IGF1: variants seen among roughly 807,000 people sequenced by gnomAD.
IGF1 encodes the protein insulin-like growth factor 1.
In IGF1, 4 loss-of-function variants were observed where a neutral mutation model predicts 13.8. The observed-to-expected ratio is 0.29, with a 90% confidence interval of 0.14 to 0.66. IGF1 has a LOEUF of 0.66. Among genes scored for constraint, IGF1 ranks in the 30% least tolerant of loss-of-function variants. The pLI is 0.78. For missense variants in IGF1, 124 were observed against 188.5 expected (o/e 0.66, Z 2.00); for synonymous variants, 76 against 72.6 (o/e 1.05, Z -0.23).
chr12:102,409,953 G>A (rs1176213658), intron 3 of IGF1, among the ~76,000 whole-genome samples: 1 of 152,116 alleles, frequency 6.6e-6, no homozygotes, highest in Non-Finnish European at 1.5e-5. Flanking sequence ...CTGAATGTGG[G>A]GAAACAGTAG....
intron 2 of IGF1, among the ~76,000 whole-genome samples, chr12:102,421,937 T>C (rs1353884255): frequency 6.6e-6 from 1 of 152,198 alleles, no homozygotes; most frequent in Non-Finnish European, 1.5e-5. Flanking sequence ...TGATTGTATA[T>C]TCACTTCTTG....
chr12:102,473,115 A>G (rs1431471131), intron 2 of IGF1, among the ~76,000 whole-genome samples: 1 of 152,204 alleles, frequency 6.6e-6, no homozygotes, highest in Non-Finnish European at 1.5e-5. Context: ...TATGAGCTAG[A>G]CACTTGGATT....
At chr12:102,463,546 A>G (rs1880085329) in intron 2 of IGF1, 1 of 152,228 alleles carries the variant, frequency 6.6e-6, no homozygotes, top group South Asian at 2.1e-4. Context: ...ATTAAGGTAC[A>G]CAGTCCTACA....
chr12:102,415,543 T>TTTCCTTCCTTCCTTCCTTCCTTCCGTCC (rs1875020902), intron 3 of IGF1, among the ~76,000 whole-genome samples: 5 of 81,810 alleles, frequency 6.1e-5, no homozygotes, highest in African/African-American at 2.1e-4. Flanking sequence ...CTTCCTTCCC[T>TTTCCTTCCTTCCTTCCTTCCTTCCGTCC]TTCCTTCCTT....
chr12:102,480,062 C>G (rs550980294), intron 1 of IGF1, among the ~76,000 whole-genome samples: 2 of 152,120 alleles, frequency 1.3e-5, no homozygotes, highest in Non-Finnish European at 2.9e-5. Flanking sequence ...AATGACACCA[C>G]GGAAGCCCTG....
At chr12:102,452,071 G>C (rs905888699) in intron 2 of IGF1, among the ~76,000 whole-genome samples, 12 of 151,758 alleles carry the variant, frequency 7.9e-5, no homozygotes, top group Non-Finnish European at 1.2e-4. Flanking sequence ...GACCATCCTG[G>C]CTAACACGGT....
intron 2 of IGF1, among the ~76,000 whole-genome samples, chr12:102,454,968 T>C (rs1879270900): frequency 6.6e-6 from 1 of 152,206 alleles, no homozygotes; most frequent in African/African-American, 2.4e-5. Flanking sequence ...AGAGCTGCTT[T>C]TCCACATCAG....
At chr12:102,441,966 T>TC in intron 2 of IGF1, among the ~76,000 whole-genome samples, 1 of 148,412 alleles carries the variant, frequency 6.7e-6, no homozygotes, top group Non-Finnish European at 1.5e-5. Context: ...TTTTTTTTTT[T>TC]TGAGACAGGG....
chr12:102,455,862 A>T (rs1879341633), intron 2 of IGF1, among the ~76,000 whole-genome samples: 1 of 152,202 alleles, frequency 6.6e-6, no homozygotes, highest in Non-Finnish European at 1.5e-5. Context: ...AGTCATGAAC[A>T]CAATCAAGGA....
chr12:102,447,990 A>G (rs1565989894), intron 2 of IGF1, among the ~76,000 whole-genome samples: 1 of 152,182 alleles, frequency 6.6e-6, no homozygotes, highest in Non-Finnish European at 1.5e-5. Flanking sequence ...CAGGCAACCT[A>G]CAGAATGGGA....
At chr12:102,405,892 C>T (rs1468827713) in intron 3 of IGF1, among the ~76,000 whole-genome samples, 2 of 152,216 alleles carry the variant, frequency 1.3e-5, no homozygotes, top group Non-Finnish European at 2.9e-5. Context: ...ATTGACCAAC[C>T]ACATACATCC....
intron 2 of IGF1, among the ~76,000 whole-genome samples, chr12:102,460,740 G>T (rs112537585): frequency 7.4e-4 from 113 of 152,230 alleles, no homozygotes; most frequent in African/African-American, 2.6e-3. Flanking sequence ...TAATTCAATG[G>T]GTAGAGTGCC....
chr12:102,444,697 A>G (rs1878162597), intron 2 of IGF1, among the ~76,000 whole-genome samples: 1 of 152,104 alleles, frequency 6.6e-6, no homozygotes, highest in Non-Finnish European at 1.5e-5. Flanking sequence ...CAAGCAAAAC[A>G]ATTGGTTACC....
chr12:102,477,075 A>AT (rs757153450), intron 1 of IGF1, among the ~76,000 whole-genome samples: 4 of 151,884 alleles, frequency 2.6e-5, no homozygotes, highest in South Asian at 2.1e-4. Flanking sequence ...TAAGAAGAGC[A>AT]TTTTTTTTGA....
At chr12:102,404,750 G>GT (rs1389959562) in intron 3 of IGF1, among the ~76,000 whole-genome samples, 87 of 114,796 alleles carry the variant, frequency 7.6e-4, no homozygotes, top group Non-Finnish European at 1.1e-3. Context: ...CTTGTGTTTT[G>GT]TTTTTTTTTG....
chr12:102,430,424 C>A (rs1365548864), intron 2 of IGF1, among the ~76,000 whole-genome samples: 1 of 152,096 alleles, frequency 6.6e-6, no homozygotes, highest in Non-Finnish European at 1.5e-5. Flanking sequence ...CATTTAGTAA[C>A]CTTTAGGCTG....
At chr12:102,475,530 T>C in intron 2 of IGF1, 113 bp downstream of exon 2, 3 of 1,228,484 alleles carry the variant, frequency 2.4e-6, no homozygotes, top group Non-Finnish European at 3.6e-6. Flanking sequence ...AGGCCTAGGA[T>C]GGCTGCCAGA....
At chr12:102,419,846 G>A (rs17885092) in intron 2 of IGF1, among the ~76,000 whole-genome samples, 156 bp from the exon 3 acceptor site, 20 of 151,974 alleles carry the variant, frequency 1.3e-4, no homozygotes, top group African/African-American at 2.7e-4. Flanking sequence ...CTGACCCCAC[G>A]TATCTTTCTG....
chr12:102,402,668 G>A, intron 3 of IGF1, 102 bp from the exon 4 acceptor site: 3 of 761,598 alleles, frequency 3.9e-6, no homozygotes, highest in East Asian at 2.5e-5. Flanking sequence ...CGCCTTACCA[G>A]TTGAGCTAAT....
Sources: allele counts gnomAD v4.1 joint callset (sites outside exome capture counted in the v4.1 genomes callset), GRCh38; gene constraint gnomAD v4.1.1; transcripts MANE v1.5; gene names NCBI Gene and HGNC (gene_info 2026-07-23, HGNC 2026-07-21).